FRMD4A: variants seen among roughly 807,000 people sequenced by gnomAD.
FRMD4A encodes FERM domain containing 4A.
In FRMD4A, 29 loss-of-function variants were observed where a neutral mutation model predicts 129.1. The ratio of observed to expected loss-of-function variants is 0.22; its 90% CI spans 0.17 to 0.31. The LOEUF is 0.31. Ranked by LOEUF, FRMD4A falls within the 10% of genes least tolerant of loss-of-function variation. The pLI is 1.00. For missense variants in FRMD4A, 1,272 were observed against 1,375.8 expected, an observed-to-expected ratio of 0.92 and a Z score of 1.19; for synonymous variants, 634 against 571.6, an observed-to-expected ratio of 1.11 and a Z score of -1.56.
chr10:13,883,015 G>C (rs1323560932), intron 2 of FRMD4A, among the ~76,000 whole-genome samples: 2 of 151,898 alleles, frequency 1.3e-5, no homozygotes, highest in African/African-American at 4.8e-5. Context: ...TGTTGGCCAG[G>C]CTGGTCTCGA....
At chr10:14,235,113 C>T (rs1315221723) in intron 2 of FRMD4A, among the ~76,000 whole-genome samples, 6 of 151,324 alleles carry the variant, frequency 4.0e-5, no homozygotes, top group Admixed American at 2.6e-4. Context: ...TTTTCTGGGT[C>T]TGTGTTATGT....
At chr10:13,829,882 G>A (rs2093762333) in intron 3 of FRMD4A, among the ~76,000 whole-genome samples, 2 of 152,106 alleles carry the variant, frequency 1.3e-5, no homozygotes, top group African/African-American at 4.8e-5. Context: ...AAAATAAATC[G>A]GGGGCCTGGC....
In FRMD4A at chr10:13,896,972, T is replaced by A. The variant is rs997012338; in HGVS notation, c.46-38060A>T. Among the ~76,000 whole-genome samples the A allele has an allele frequency of 1.4e-4, 21 of 152,236 alleles. 1 individual carries two copies. The highest frequency in any genetic ancestry group is 3.6e-4 in the African/African-American group (15 of 41,456). On this transcript the variant is annotated intron_variant, in intron 2 of 24. Coordinates refer to ENST00000357447, the MANE Select transcript of FRMD4A (RefSeq NM_018027.5). Reference sequence around the variant, plus strand: ...TTTGAATTTTTGCATGAAATTCATATATATTACCTAGAAAAATTCAAGGAA... The same window carrying A: ...TTTGAATTTTTGCATGAAATTCATAAATATTACCTAGAAAAATTCAAGGAA...
chr10:13,664,446 G>C (rs141246328), intron 18 of FRMD4A, among the ~76,000 whole-genome samples: 20 of 152,050 alleles, frequency 1.3e-4, no homozygotes, highest in African/African-American at 4.6e-4. Flanking sequence ...GATGAGATAG[G>C]GAAAGATGGT....
intron 6 of FRMD4A, among the ~76,000 whole-genome samples, chr10:13,763,909 G>T (rs1157186303): frequency 2.0e-5 from 3 of 151,866 alleles, no homozygotes; most frequent in African/African-American, 4.8e-5. Context: ...TAATTTTTTT[G>T]TATTTAGTAC....
chr10:13,740,519 T>A lies in FRMD4A; in HGVS notation c.607A>T (p.Ile203Phe). Reference sequence around the variant, plus strand: ...TGGGAAGGGGCCACTTACTTTACGATTGCTTGACCTCTTGTCTGACCGTTC... The same window carrying A: ...TGGGAAGGGGCCACTTACTTTACGAATGCTTGACCTCTTGTCTGACCGTTC... ...KLNGQTRGQA[I>F]VNYMSIVESL... is the part of the protein sequence containing the mutation. Residue 203 changes from isoleucine (I) to phenylalanine (F), a missense_variant, in exon 10 of 25, where the codon ATC (isoleucine) becomes TTC (phenylalanine). Coordinates refer to ENST00000357447, the MANE Select transcript of FRMD4A (RefSeq NM_018027.5). 2 of 1,574,544 alleles carry A rather than the reference T, an allele frequency of 1.3e-6. No individual in the cohort carries two copies. Among genetic ancestry groups the A allele is most frequent in the Non-Finnish European group, 8.7e-7 (1 of 1,145,882 alleles).
At chr10:13,660,605 G>A (rs905477192) in intron 19 of FRMD4A, 52 bp from the exon 20 acceptor site, 1 of 1,181,368 alleles carries the variant, frequency 8.5e-7, no homozygotes, top group Non-Finnish European at 1.2e-6. Context: ...CTTCCCACAG[G>A]CTGAGACAGA....
chr10:14,256,792 G>A (rs1844628957), intron 2 of FRMD4A, among the ~76,000 whole-genome samples: 1 of 151,690 alleles, frequency 6.6e-6, no homozygotes, highest in African/African-American at 2.4e-5. Flanking sequence ...AGACCAGCCT[G>A]GGCCACACAG....
chr10:14,185,573 T>A (rs76024865), intron 2 of FRMD4A, among the ~76,000 whole-genome samples: 5 of 152,012 alleles, frequency 3.3e-5, no homozygotes, highest in Admixed American at 1.3e-4. Context: ...AAAGGTTCAA[T>A]CTCGTCTTGT....
chr10:14,213,053 G>A (rs1211348876), intron 2 of FRMD4A, among the ~76,000 whole-genome samples: 8 of 152,100 alleles, frequency 5.3e-5, no homozygotes, highest in African/African-American at 1.4e-4. Flanking sequence ...CTGTGGCAAC[G>A]TAGTGAGATC....
At chr10:13,765,698 C>A (rs1197160410) in intron 6 of FRMD4A, among the ~76,000 whole-genome samples, 1 of 152,094 alleles carries the variant, frequency 6.6e-6, no homozygotes, top group Non-Finnish European at 1.5e-5. Context: ...TAGAGGCTGT[C>A]GGTGCTGGGA....
At chr10:13,769,147 C>T (rs938313876) in intron 6 of FRMD4A, among the ~76,000 whole-genome samples, 3 of 151,128 alleles carry the variant, frequency 2.0e-5, no homozygotes, top group Non-Finnish European at 2.9e-5. Flanking sequence ...CCCACCACCA[C>T]GCCTGGCTAA....
intron 2 of FRMD4A, among the ~76,000 whole-genome samples, chr10:14,209,577 C>T (rs965287992): frequency 3.3e-5 from 5 of 151,982 alleles, no homozygotes; most frequent in Non-Finnish European, 5.9e-5. Flanking sequence ...AAAAATTAGC[C>T]GGGCATGGTG....
At chr10:14,066,805 T>C (rs1835081136) in intron 2 of FRMD4A, among the ~76,000 whole-genome samples, 1 of 151,660 alleles carries the variant, frequency 6.6e-6, no homozygotes, top group African/African-American at 2.4e-5. Context: ...GAAAGAGAAA[T>C]TGAGGGGAAA....
chr10:14,149,792 G>A (rs1840252107), intron 2 of FRMD4A, among the ~76,000 whole-genome samples: 1 of 152,228 alleles, frequency 6.6e-6, no homozygotes, highest in Non-Finnish European at 1.5e-5. Context: ...TTGAGTGAGT[G>A]TGCTTCATGT....
intron 2 of FRMD4A, among the ~76,000 whole-genome samples, chr10:14,310,253 A>G (rs1846499365): frequency 6.6e-6 from 1 of 152,060 alleles, no homozygotes; most frequent in African/African-American, 2.4e-5. Context: ...ACTGGCCTTC[A>G]ACTTGCCCGC....
chr10:13,808,321 C>T (rs1179597125), intron 4 of FRMD4A, among the ~76,000 whole-genome samples: 1 of 152,210 alleles, frequency 6.6e-6, no homozygotes, highest in Non-Finnish European at 1.5e-5. Flanking sequence ...GTATAAAGCA[C>T]AGACACACAC....
At chr10:13,828,440 A>G (rs1259916989) in intron 3 of FRMD4A, among the ~76,000 whole-genome samples, 1 of 152,084 alleles carries the variant, frequency 6.6e-6, no homozygotes, top group Non-Finnish European at 1.5e-5. Flanking sequence ...TTCCAGTTCC[A>G]TCCACGTTGC....
At chr10:13,808,193 G>A (rs920925524) in intron 4 of FRMD4A, among the ~76,000 whole-genome samples, 1 of 152,150 alleles carries the variant, frequency 6.6e-6, no homozygotes, top group Non-Finnish European at 1.5e-5. Context: ...TGCTTTCCAC[G>A]TGATAGCCTT....
Sources: allele counts gnomAD v4.1 joint callset (sites outside exome capture counted in the v4.1 genomes callset), GRCh38; gene constraint gnomAD v4.1.1; transcripts MANE v1.5; gene names NCBI Gene and HGNC (gene_info 2026-07-23, HGNC 2026-07-21).